NRBP1: variants seen among roughly 807,000 people sequenced by gnomAD.
NRBP1 encodes nuclear receptor binding protein 1.
In NRBP1, 10 loss-of-function variants were observed where a neutral mutation model predicts 76.0. That is an observed-to-expected ratio of 0.13 (90% CI 0.08 to 0.22). NRBP1 has a LOEUF of 0.22. NRBP1 is among the 10% of genes least tolerant of loss of function. The pLI, the probability that NRBP1 is intolerant of heterozygous loss-of-function variation, is 1.00. For missense variants in NRBP1, 344 were observed against 646.0 expected (o/e 0.53, Z 5.07); for synonymous variants, 235 against 240.2 (o/e 0.98, Z 0.20).
upstream of NRBP1, chr2:27,428,481 G>T: frequency 2.5e-6 from 1 of 394,092 alleles, no homozygotes; most frequent in Non-Finnish European, 4.5e-6. Flanking sequence ...CCGGACCGGC[G>T]CAAGGGGAGG....
At chr2:27,441,363 G>A (rs528317350) in intron 16 of NRBP1, 33 bp downstream of exon 16, 6 of 1,597,306 alleles carry the variant, frequency 3.8e-6, no homozygotes, top group Non-Finnish European at 4.3e-6. Context: ...AGGATGGAGA[G>A]TCTATGAGCC....
chr2:27,434,480 A>G lies in NRBP1; in HGVS notation c.445A>G (p.Ile149Val). ...IKENKARVIF[I>V]TEYMSSGSLK... ...TGCTTTGCCTCCCCAGGTCATTTTT[A>G]TCACAGAATACATGTCATCTGGGAG... is the stretch of plus-strand genomic sequence containing the variant. Residue 149 changes from isoleucine (I) to valine (V), a missense_variant, in exon 5 of 18, where the codon ATC becomes GTC. By Grantham distance (29) the Ile-to-Val change is conservative. Around this residue, in one of 3 missense-constraint regions of NRBP1, gnomAD observed 73 missense variants for 287.8 expected, o/e 0.25. Coordinates refer to ENST00000379852, the MANE Select transcript of NRBP1 (RefSeq NM_013392.4). 3.1e-6 allele frequency: 5 copies of G among 1,613,538 alleles called. No homozygotes were observed. Among genetic ancestry groups the G allele is most frequent in the Non-Finnish European group, 4.2e-6 (5 of 1,179,446 alleles).
intron 10 of NRBP1, among the ~76,000 whole-genome samples, chr2:27,439,389 G>T (rs1485449999): frequency 1.3e-5 from 2 of 151,552 alleles, no homozygotes; most frequent in African/African-American, 4.9e-5. Flanking sequence ...GGAGGCTGAG[G>T]CAGGAGAATG....
chr2:27,434,133 G>A (rs1245800728), intron 4 of NRBP1, 43 bp downstream of exon 4: 1 of 1,380,406 alleles, frequency 7.2e-7, no homozygotes, highest in African/African-American at 1.4e-5. Flanking sequence ...ATTGCAAAGA[G>A]ACTAGCTACA....
Position 27,441,870 on chromosome 2 carries a change from C to T in NRBP1, c.*58C>T. On this transcript the variant is annotated 3_prime_UTR_variant, in exon 18 of 18. Transcript: ENST00000379852. ...TGGCTGTCCCTGGACGTGCTGCAGC[C>T]CTCCTGTCCCTTCCCCCCAGTCAGT... The T allele has an allele frequency of 2.0e-6, 2 of 989,820 alleles. No individual in the cohort carries two copies. The highest frequency in any genetic ancestry group is 3.2e-6 in the Non-Finnish European group (2 of 634,498). 61.3% of individuals were successfully genotyped at this position (989,820 alleles called of 1,614,324 possible). A position where few individuals can be genotyped will look rare whatever the true frequency, so the allele number is the denominator to read the frequency against.
Position 27,433,692 on chromosome 2 carries a change from C to G in NRBP1, c.230C>G (p.Pro77Arg). ...TCTCAGGTGAATCAACGGAATGTAC[C>G]AGGTATTGACAGTGCATACCTGGCC... ...RREEVNQRNV[P>R]GIDSAYLAMD... The change falls in exon 3 of 18, where the codon CCA becomes CGA. Residue 77 changes from proline (P) to arginine (R), a missense_variant. By Grantham distance (103) the Pro-to-Arg change is moderately radical. This residue lies in a region of NRBP1 where 73 missense variants were observed against 287.8 expected (regional missense o/e 0.25). Transcript: ENST00000379852. 1 of 1,614,080 alleles carries G rather than the reference C, an allele frequency of 6.2e-7. No homozygotes were observed. Among genetic ancestry groups the G allele is most frequent in the Non-Finnish European group, 8.5e-7 (1 of 1,179,984 alleles).
intron 1 of NRBP1, among the ~76,000 whole-genome samples, chr2:27,430,119 A>C (rs545387106): frequency 3.9e-5 from 6 of 152,320 alleles, no homozygotes; most frequent in Non-Finnish European, 7.4e-5. Flanking sequence ...CTCCCACTTC[A>C]GCCTCCTAAG....
At chr2:27,431,038 C>T (rs141288179) in intron 1 of NRBP1, among the ~76,000 whole-genome samples, 1,864 of 152,064 alleles carry the variant, frequency 0.012, 12 homozygotes, top group Non-Finnish European at 0.018. Context: ...TGGTGGCTCA[C>T]GCCTGTAATC....
Position 27,433,488 on chromosome 2 carries a change from G to A in NRBP1, c.210+5G>A, listed in dbSNP as rs779055161. On this transcript the variant is annotated splice_donor_5th_base_variant and intron_variant, in intron 2 of 17. Transcript: ENST00000379852. ...TGGCAGAAGAGGCGAGAAGAGGTAA[G>A]GTTATGGTACAGTTACTCTTGGGTG... 6.8e-6 allele frequency: 11 copies of A among 1,613,748 alleles called. No individual in the cohort carries two copies. In the South Asian group the frequency reaches 1.2e-4, roughly 18 times the overall value.
At chr2:27,436,993 C>T in intron 8 of NRBP1, 54 bp from the exon 9 acceptor site, 2 of 1,554,020 alleles carry the variant, frequency 1.3e-6, no homozygotes, top group Non-Finnish European at 1.8e-6. Flanking sequence ...GGCATTCCTG[C>T]CAACCCTAGC....
chr2:27,436,894 C>A, intron 8 of NRBP1, 58 bp downstream of exon 8: 1 of 1,515,146 alleles, frequency 6.6e-7, no homozygotes, highest in Non-Finnish European at 9.2e-7. Flanking sequence ...CACCTTATAA[C>A]TTGAGGTACA....
chr2:27,433,200 A>T (rs1351549092), intron 1 of NRBP1, 54 bp from the exon 2 acceptor site: 3 of 1,287,474 alleles, frequency 2.3e-6, no homozygotes, highest in East Asian at 4.6e-5. Context: ...ATCTTTACAG[A>T]TGTATCCTGA....
rs1228057680 is a variant in NRBP1, at chr2:27,442,083, C to T, written c.*271C>T. ...TAGTTGGGGGCTAGTCGCTGATCTG[C>T]CGGCTCCCGCCCAGCCTGTGTGGAA... On this transcript the variant is annotated 3_prime_UTR_variant, in exon 18 of 18. Transcript: ENST00000379852. 4 of 533,654 alleles carry T rather than the reference C, an allele frequency of 7.5e-6. No homozygotes were observed. The highest frequency in any genetic ancestry group is 7.4e-5 in the Admixed American group (2 of 27,052). The allele number at this position is 533,654 out of a possible 1,614,324, so 33.1% of individuals were successfully genotyped here.
intron 8 of NRBP1, 82 bp from the exon 9 acceptor site, chr2:27,436,965 C>CT (rs561426797): frequency 0.15 from 139,426 of 957,488 alleles, 4 homozygotes; most frequent in South Asian, 0.19. Flanking sequence ...TTTTTCTTTT[C>CT]TTTTTTTTTT....
chr2:27,430,500 ACT>A (rs1664071612), intron 1 of NRBP1, among the ~76,000 whole-genome samples: 1 of 127,468 alleles, frequency 7.8e-6, no homozygotes, highest in South Asian at 2.3e-4. Context: ...TCATAGTCTC[ACT>A]CTGTCACCCA....
In NRBP1 at chr2:27,433,992, A is replaced by G; in HGVS notation, c.337A>G (p.Lys113Glu). 1.2e-6 allele frequency: 2 copies of G among 1,613,778 alleles called. No individual in the cohort carries two copies. Among genetic ancestry groups the G allele is most frequent in the Non-Finnish European group, 1.7e-6 (2 of 1,179,846 alleles). The change falls in exon 4 of 18, where the codon AAG becomes GAG. Residue 113 changes from lysine (K) to glutamate (E), a missense_variant. Coordinates refer to ENST00000379852, the MANE Select transcript of NRBP1 (RefSeq NM_013392.4). The stretch of plus-strand genomic sequence containing the variant: ...CCACTGTCTCCCTTGCTTTCAGGAA[A>G]AGGTTCGTGCTGTGTTTGATAATCT... ...ERKNYKLQEE[K>E]VRAVFDNLIQ...
chr2:27,428,059 A>G (rs569460511), upstream of NRBP1: 1 of 152,384 alleles, frequency 6.6e-6, no homozygotes, highest in East Asian at 1.9e-4. Flanking sequence ...CCATTGAATG[A>G]TAATTTCAAT....
chr2:27,441,398 G>A, intron 16 of NRBP1, 68 bp downstream of exon 16: 1 of 1,493,566 alleles, frequency 6.7e-7, no homozygotes, highest in Non-Finnish European at 9.3e-7. Flanking sequence ...CATATTCAGG[G>A]GTGGGGGAGG....
intron 7 of NRBP1, 25 bp from the exon 8 acceptor site, chr2:27,436,728 T>C (rs374948634): frequency 6.3e-7 from 1 of 1,591,294 alleles, no homozygotes; most frequent in African/African-American, 1.3e-5. Context: ...GATGGTCAGA[T>C]TGTGGGTGTC....
Sources: gnomAD v4.1 joint callset for allele counts (sites outside exome capture counted in the v4.1 genomes callset) on GRCh38, gnomAD v4.1.1 for gene constraint, gnomAD v4.1.1 regional missense constraint, MANE v1.5 for transcripts, NCBI Gene and HGNC (gene_info 2026-07-23, HGNC 2026-07-21) for gene names.